Variants in IDO2 observed in about 807,000 individuals in gnomAD.
IDO2 encodes the protein indoleamine 2,3-dioxygenase 2, also known as indoleamine 2,3-dioxygenase-like 1 protein.
In IDO2, 46 loss-of-function variants were observed where a neutral mutation model predicts 45.1. The observed-to-expected ratio is 1.02, with a 90% CI of 0.80 to 1.30. IDO2 has a LOEUF of 1.30. IDO2 is among the 50% of genes most tolerant of loss of function. The pLI, the probability that IDO2 is intolerant of heterozygous loss-of-function variation, is 0.00. For synonymous variants in IDO2, 218 were observed against 184.9 expected, an observed-to-expected ratio of 1.18 and a Z score of -1.45; for missense variants, 544 against 491.8, an observed-to-expected ratio of 1.11 and a Z score of -1.00.
chr8:39,952,818 G>T (rs1265087592), intron 2 of IDO2, among the ~76,000 whole-genome samples: 2 of 151,844 alleles, frequency 1.3e-5, no homozygotes, highest in African/African-American at 4.8e-5. Context: ...CCCCAGGTTG[G>T]AGTGCAATGG....
intron 3 of IDO2, among the ~76,000 whole-genome samples, chr8:39,972,606 T>C (rs867869672): frequency 2.7e-4 from 6 of 21,830 alleles, no homozygotes; most frequent in Middle Eastern, 0.036. Context: ...CAAGACTCCA[T>C]CTCAAAAAAA....
At chr8:39,949,034 G>A in intron 1 of IDO2, 115 bp from the exon 2 acceptor site, 2 of 1,370,002 alleles carry the variant, frequency 1.5e-6, no homozygotes, top group South Asian at 1.5e-5. Context: ...TCAACCTCAG[G>A]GAAAAGTTCT....
At chr8:39,944,941 C>A (rs1348076610) in intron 1 of IDO2, among the ~76,000 whole-genome samples, 1 of 152,110 alleles carries the variant, frequency 6.6e-6, no homozygotes, top group African/African-American at 2.4e-5. Flanking sequence ...AGCTATGTGG[C>A]CTTTCAACAC....
chr8:39,947,937 G>A (rs188266731), intron 1 of IDO2, among the ~76,000 whole-genome samples: 7 of 152,066 alleles, frequency 4.6e-5, no homozygotes, highest in Admixed American at 6.5e-5. Context: ...ACAGGCATGC[G>A]CCACCACGCT....
chr8:40,015,540 A>T (rs1802374923), exon 11 of IDO2: 8 of 1,613,992 alleles, frequency 5.0e-6, no homozygotes, highest in Non-Finnish European at 5.9e-6. Flanking sequence ...AACCGCAGTT[A>T]TGAGCTTTCT....
chr8:40,015,301 T>C, exon 11 of IDO2: 1 of 1,613,786 alleles, frequency 6.2e-7, no homozygotes, highest in Non-Finnish European at 8.5e-7. Flanking sequence ...AAGGCCTTCA[T>C]AGAAGACATC....
intron 1 of IDO2, among the ~76,000 whole-genome samples, chr8:39,937,397 CTTTA>C (rs1009931947): frequency 6.6e-6 from 1 of 152,128 alleles, no homozygotes; most frequent in African/African-American, 2.4e-5. Flanking sequence ...TCAATTAAAA[CTTTA>C]TTTAGGTAGA....
intron 9 of IDO2, among the ~76,000 whole-genome samples, chr8:40,006,474 C>A (rs765067542): frequency 6.6e-6 from 1 of 152,038 alleles, no homozygotes; most frequent in Non-Finnish European, 1.5e-5. Flanking sequence ...CAGGATGTAA[C>A]CCACTGTGAA....
intron 2 of IDO2, among the ~76,000 whole-genome samples, chr8:39,949,928 A>G (rs1184067008): frequency 2.6e-5 from 4 of 152,292 alleles, no homozygotes; most frequent in African/African-American, 9.6e-5. Context: ...CTCTTTCTTA[A>G]TTCTACTTAG....
In IDO2 at chr8:39,944,649, C is replaced by T. The variant is rs773538583; in HGVS notation, c.-17-4500C>T. ...ACGCCCAAAGCCCCGAGTCTATCAC[C>T]TTGTAATAGTCTTAAAGCCCCTGCA... On this transcript the variant is annotated intron_variant, in intron 1 of 10. Transcript: ENST00000502986. Among the ~76,000 whole-genome samples the T allele has an allele frequency of 2.6e-4, 39 of 152,290 alleles. 1 individual carries two copies. The highest frequency in any genetic ancestry group is 5.9e-4 in the Admixed American group (9 of 15,300).
intron 1 of IDO2, among the ~76,000 whole-genome samples, chr8:39,948,256 A>G (rs1361327016): frequency 6.6e-6 from 1 of 152,242 alleles, no homozygotes; most frequent in East Asian, 1.9e-4. Context: ...AAAATAAATC[A>G]ATCATAATCC....
At chr8:39,976,942 A>T (rs1014087779) in intron 3 of IDO2, among the ~76,000 whole-genome samples, 1 of 152,246 alleles carries the variant, frequency 6.6e-6, no homozygotes, top group African/African-American at 2.4e-5. Context: ...ATTCAGAACA[A>T]ATTGACTTAG....
chr8:40,003,754 C>G (rs1026810131), intron 8 of IDO2, among the ~76,000 whole-genome samples: 9 of 152,086 alleles, frequency 5.9e-5, no homozygotes, highest in African/African-American at 2.2e-4. Flanking sequence ...ATTCTCCTGG[C>G]TAGGACTTCT....
chr8:39,990,084 C>A (rs1481935323), intron 8 of IDO2, among the ~76,000 whole-genome samples: 1 of 152,162 alleles, frequency 6.6e-6, no homozygotes, highest in East Asian at 1.9e-4. Flanking sequence ...TCTGCAGTGG[C>A]CAGATATTTC....
chr8:39,991,105 A>G (rs1201235086), intron 8 of IDO2, among the ~76,000 whole-genome samples: 2 of 152,182 alleles, frequency 1.3e-5, no homozygotes, highest in Non-Finnish European at 2.9e-5. Context: ...AAGCTTTATT[A>G]TCTTGTATTA....
intron 2 of IDO2, among the ~76,000 whole-genome samples, chr8:39,950,404 T>G (rs966522830): frequency 6.6e-6 from 1 of 152,136 alleles, no homozygotes; most frequent in Admixed American, 6.5e-5. Flanking sequence ...TGGTGGCACA[T>G]GCCTGTAGTT....
At chr8:39,989,572 A>T in intron 7 of IDO2, 149 bp from the exon 8 acceptor site, 1 of 570,674 alleles carries the variant, frequency 1.8e-6, no homozygotes, top group Admixed American at 3.4e-5. Flanking sequence ...TGTCAGGCCA[A>T]CCCCACAGTG....
intron 1 of IDO2, among the ~76,000 whole-genome samples, chr8:39,946,531 T>C (rs1807733820): frequency 3.3e-5 from 5 of 152,108 alleles, no homozygotes; most frequent in African/African-American, 1.2e-4. Flanking sequence ...CACTTGAACC[T>C]GGGAGGCAGA....
At chr8:40,015,738 T>C in exon 11 of IDO2, 1 of 664,350 alleles carries the variant, frequency 1.5e-6, no homozygotes, top group East Asian at 2.7e-5. Flanking sequence ...CAGAGCACTA[T>C]ATTCTCCTTG....
Sources: gnomAD v4.1 joint callset for allele counts (sites outside exome capture counted in the v4.1 genomes callset) on GRCh38, gnomAD v4.1.1 for gene constraint, MANE v1.5 for transcripts, NCBI Gene and HGNC (gene_info 2026-07-23, HGNC 2026-07-21) for gene names.